ZRANB1: variants seen among roughly 807,000 people sequenced by gnomAD.
The protein encoded by ZRANB1 is ubiquitin thioesterase ZRANB1.
Under a neutral mutation model 80.5 loss-of-function variants are expected in ZRANB1, and 16 were observed. The ratio of observed to expected loss-of-function variants is 0.20; its 90% CI spans 0.13 to 0.30. The LOEUF is 0.30. Ranked by LOEUF, ZRANB1 falls within the 10% of genes least tolerant of loss-of-function variation. The probability of loss-of-function intolerance (pLI) is 1.00; values close to 1 mark genes in which losing one functional copy is unlikely to be tolerated. For missense variants in ZRANB1, 576 were observed against 862.6 expected (o/e 0.67, Z 4.16); for synonymous variants, 291 against 293.1 (o/e 0.99, Z 0.07).
the ZRANB1 span, among the ~76,000 whole-genome samples, chr10:124,933,018 T>C: frequency 6.6e-6 from 1 of 152,218 alleles, no homozygotes; most frequent in East Asian, 1.9e-4. Context: ...TAGTCACTTA[T>C]CTTTTGCAAA....
At chr10:124,969,430 C>G (rs1412030729) in intron 2 of ZRANB1, among the ~76,000 whole-genome samples, 1 of 151,980 alleles carries the variant, frequency 6.6e-6, no homozygotes, top group African/African-American at 2.4e-5. Flanking sequence ...TGGACTAAGT[C>G]TAGACTAAGG....
chr10:124,932,492 T>C, the ZRANB1 span, among the ~76,000 whole-genome samples: 1 of 152,096 alleles, frequency 6.6e-6, no homozygotes, highest in Admixed American at 6.5e-5. Context: ...GGTTTTACCA[T>C]GTTGGCCAGG....
At chr10:124,924,337 A>G in the ZRANB1 span, among the ~76,000 whole-genome samples, 1 of 151,490 alleles carries the variant, frequency 6.6e-6, no homozygotes, top group Admixed American at 6.6e-5. Flanking sequence ...TGTATTTCAT[A>G]TACCATAAAA....
chr10:124,930,802 A>T, the ZRANB1 span, among the ~76,000 whole-genome samples: 1 of 152,172 alleles, frequency 6.6e-6, no homozygotes, highest in South Asian at 2.1e-4. Flanking sequence ...TGGAAGGCTG[A>T]GTCGAGAAGA....
intron 5 of ZRANB1, among the ~76,000 whole-genome samples, chr10:124,976,279 G>A (rs1377995583): frequency 6.6e-6 from 1 of 152,142 alleles, no homozygotes; most frequent in Non-Finnish European, 1.5e-5. Context: ...CTCTTGATCA[G>A]ATCCTGTGGT....
intron 1 of ZRANB1, among the ~76,000 whole-genome samples, chr10:124,956,879 A>G (rs1489224250): frequency 6.6e-6 from 1 of 152,160 alleles, no homozygotes; most frequent in Non-Finnish European, 1.5e-5. Context: ...TCTTTGCTGT[A>G]TTTGGTGTCT....
chr10:124,933,228 C>T, the ZRANB1 span, among the ~76,000 whole-genome samples: 21,184 of 82,800 alleles, frequency 0.26, 1,516 homozygotes, highest in East Asian at 0.48. Flanking sequence ...CGTCCACCTC[C>T]CAGGTTCAAG....
chr10:124,941,707 A>G (rs1484911300), upstream of ZRANB1, among the ~76,000 whole-genome samples: 2 of 152,160 alleles, frequency 1.3e-5, no homozygotes, highest in African/African-American at 2.4e-5. Context: ...TTTAATTATG[A>G]ACATTCACAA....
chr10:124,975,344 AC>A (rs1951867311), intron 5 of ZRANB1, among the ~76,000 whole-genome samples: 1 of 152,238 alleles, frequency 6.6e-6, no homozygotes, highest in Admixed American at 6.5e-5. Context: ...TTCGTTGTAG[AC>A]ATCATGATGC....
chr10:124,963,022 T>C (rs1951746141), intron 1 of ZRANB1, among the ~76,000 whole-genome samples: 1 of 152,138 alleles, frequency 6.6e-6, no homozygotes, highest in Admixed American at 6.5e-5. Flanking sequence ...TCCCAGCACT[T>C]TGGGAGGCCG....
intron 1 of ZRANB1, among the ~76,000 whole-genome samples, chr10:124,958,212 A>G (rs532452797): frequency 6.6e-6 from 1 of 152,354 alleles, no homozygotes; most frequent in Admixed American, 6.5e-5. Flanking sequence ...AAGGCAGACA[A>G]CTTGCGACTA....
the ZRANB1 span, among the ~76,000 whole-genome samples, chr10:124,936,487 G>A: frequency 6.6e-6 from 1 of 152,182 alleles, no homozygotes; most frequent in Admixed American, 6.5e-5. Flanking sequence ...GGAGTTTGTT[G>A]TGAGAAGAAA....
intron 3 of ZRANB1, 92 bp downstream of exon 3, chr10:124,972,210 A>G: frequency 1.6e-6 from 2 of 1,268,200 alleles, no homozygotes; most frequent in Non-Finnish European, 1.1e-6. Context: ...TAGAAAGCAC[A>G]TAACATAGCT....
intron 1 of ZRANB1, chr10:124,945,409 A>ATTTTTTTTTTTTTTTTTTT (rs57697692): frequency 3.2e-5 from 4 of 123,548 alleles, no homozygotes; most frequent in South Asian, 2.4e-4. Context: ...TCTTAAAATC[A>ATTTTTTTTTTTTTTTTTTT]TTTTTTTTTT....
chr10:124,937,885 T>G (rs1951502140), upstream of ZRANB1, among the ~76,000 whole-genome samples: 1 of 152,214 alleles, frequency 6.6e-6, no homozygotes. Context: ...CTGTTGGTAT[T>G]GCATTTGAAC....
chr10:124,931,836 T>C, the ZRANB1 span, among the ~76,000 whole-genome samples: 1 of 152,168 alleles, frequency 6.6e-6, no homozygotes, highest in Non-Finnish European at 1.5e-5. Context: ...TGACACATAA[T>C]CACCCAAAGT....
At chr10:124,944,945 G>C (rs542532393) in intron 1 of ZRANB1, among the ~76,000 whole-genome samples, 4 of 152,042 alleles carry the variant, frequency 2.6e-5, no homozygotes, top group African/African-American at 9.6e-5. Flanking sequence ...AACATACCGG[G>C]CTATCTTCTG....
the ZRANB1 span, among the ~76,000 whole-genome samples, chr10:124,923,959 G>T: frequency 6.7e-6 from 1 of 150,100 alleles, no homozygotes; most frequent in South Asian, 2.1e-4. Context: ...AAGAATTTTT[G>T]TTATTTTTAT....
chr10:124,946,820 T>G (rs1369658685), intron 1 of ZRANB1, among the ~76,000 whole-genome samples: 1 of 152,230 alleles, frequency 6.6e-6, no homozygotes, highest in Non-Finnish European at 1.5e-5. Flanking sequence ...GAAGTTCACA[T>G]GTACTCAAAA....
Sources: gnomAD v4.1 joint callset for allele counts (sites outside exome capture counted in the v4.1 genomes callset) on GRCh38, gnomAD v4.1.1 for gene constraint, MANE v1.5 for transcripts, NCBI Gene and HGNC (gene_info 2026-07-23, HGNC 2026-07-21) for gene names.